The following SNX29 variants were observed in gnomAD, a reference collection of about 807,000 sequenced individuals.
The protein encoded by SNX29 is sorting nexin-29.
A neutral mutation model predicts 102.1 loss-of-function variants in SNX29; 78 were observed. The observed-to-expected ratio is 0.76, with a 90% CI of 0.64 to 0.92. SNX29 has a LOEUF of 0.92. Among genes scored for constraint, SNX29 ranks in the 40% least tolerant of loss-of-function variants. The pLI, the probability that SNX29 is intolerant of heterozygous loss-of-function variation, is 0.00. For synonymous variants in SNX29, 580 were observed against 414.5 expected (o/e 1.40, Z -4.85); for missense variants, 1,280 against 1,061.7 (o/e 1.21, Z -2.86).
chr16:12,279,609 C>G (rs2079367863), intron 15 of SNX29, among the ~76,000 whole-genome samples: 1 of 152,140 alleles, frequency 6.6e-6, no homozygotes, highest in Non-Finnish European at 1.5e-5. Flanking sequence ...CCGGAAGTCC[C>G]AAGTGGAGAG....
intron 18 of SNX29, among the ~76,000 whole-genome samples, chr16:12,466,718 T>G (rs756453870): frequency 2.1e-4 from 32 of 152,092 alleles, no homozygotes; most frequent in Admixed American, 8.5e-4. Context: ...TCCTCCTTAG[T>G]TTTCTGGCAG....
rs901397260 is a variant in SNX29 at position 12,571,881 on chromosome 16, C to G, written c.*3252C>G. 2.8e-6 allele frequency: 3 copies of G among 1,061,712 alleles called. No individual in the cohort carries two copies. The highest frequency in any genetic ancestry group is 5.1e-5 in the East Asian group (1 of 19,664). 65.8% of individuals were successfully genotyped at this position (1,061,712 alleles called of 1,614,324 possible). ...TGGCAAGGCATTTTAGAGTTTGGAG[C>G]TGAGGTTCAAAGCCCCCTGCATTTC... On this transcript the variant is annotated 3_prime_UTR_variant, in exon 21 of 21. Transcript: ENST00000566228.
chr16:12,453,101 C>T (rs1489756879), intron 18 of SNX29, among the ~76,000 whole-genome samples: 3 of 152,140 alleles, frequency 2.0e-5, no homozygotes, highest in Admixed American at 6.5e-5. Flanking sequence ...TTCTCCCAGG[C>T]GTATAGACAG....
At chr16:12,179,163 A>T (rs1378311046) in intron 13 of SNX29, among the ~76,000 whole-genome samples, 2 of 152,170 alleles carry the variant, frequency 1.3e-5, no homozygotes, top group Non-Finnish European at 2.9e-5. Flanking sequence ...CTACTACAAC[A>T]ATATAATTGC....
In SNX29 at chr16:11,976,787, C is replaced by G. The variant is rs899876662; in HGVS notation, c.-20C>G. ...CAGCGGCGGCGGCGCGGCGCAGGCACCGGCCCGGGGAGAGGCACCATGAGC... is the reference window on the plus strand; with the variant it reads ...CAGCGGCGGCGGCGCGGCGCAGGCAGCGGCCCGGGGAGAGGCACCATGAGC... On this transcript the variant is annotated 5_prime_UTR_variant, in exon 1 of 21. Coordinates refer to ENST00000566228, the MANE Select transcript of SNX29 (RefSeq NM_032167.5). The G allele has an allele frequency of 1.5e-6, 2 of 1,358,220 alleles. No homozygotes were observed. Among genetic ancestry groups the G allele is most frequent in the African/African-American group, 1.5e-5 (1 of 66,002 alleles). The allele number at this position is 1,358,220 out of a possible 1,614,324, so 84.1% of individuals were successfully genotyped here.
intron 1 of SNX29, among the ~76,000 whole-genome samples, chr16:11,995,227 G>A (rs1037313329): frequency 3.3e-5 from 5 of 152,104 alleles, no homozygotes; most frequent in African/African-American, 9.7e-5. Context: ...CACCACACCT[G>A]GCTAATTTTT....
At chr16:12,283,860 C>T (rs1006493742) in intron 15 of SNX29, among the ~76,000 whole-genome samples, 1 of 152,198 alleles carries the variant, frequency 6.6e-6, no homozygotes, top group Non-Finnish European at 1.5e-5. Flanking sequence ...CAGAGGTTGG[C>T]ACCTAACCAC....
rs144720457 is a variant in SNX29 at position 12,319,034 on chromosome 16, G to A, written c.1783-37129G>A. Among the ~76,000 whole-genome samples, 1,435 of 152,234 alleles carry A rather than the reference G, an allele frequency of 9.4e-3. 13 individuals carry two copies. Among genetic ancestry groups the A allele is most frequent in the South Asian group, 0.019 (91 of 4,818 alleles). ...CAGTAAACTTGTTTGTGGAGGCCTG[G>A]GGAGTTTCTTCACATCCCCAGTAAA... On this transcript the variant is annotated intron_variant, in intron 15 of 20. Transcript: ENST00000566228.
chr16:12,537,962 G>T (rs1204728025), intron 20 of SNX29, among the ~76,000 whole-genome samples: 1 of 143,384 alleles, frequency 7.0e-6, no homozygotes, highest in African/African-American at 2.7e-5. Flanking sequence ...TCCAGCCTGG[G>T]CAATAGAGCA....
In SNX29 at chr16:12,524,818, C is replaced by T; in HGVS notation, c.2295C>T (p.Leu765=). The change falls in exon 20 of 21, where the codon CTC becomes CTT. Residue 765 remains leucine (L), a synonymous_variant. Coordinates refer to ENST00000566228, the MANE Select transcript of SNX29 (RefSeq NM_032167.5). ...CTGCCAGCCCCAAGAAGGAGACCCTCATCCAGCTGATGCCCTTCTTCGTGT... is the reference window on the plus strand; with the variant it reads ...CTGCCAGCCCCAAGAAGGAGACCCTTATCCAGCTGATGCCCTTCTTCGTGT... ...EFAASPKKET[L]IQLMPFFVDI... The T allele has an allele frequency of 3.1e-6, 5 of 1,613,718 alleles. No individual in the cohort carries two copies. Among genetic ancestry groups the T allele is most frequent in the Non-Finnish European group, 4.2e-6 (5 of 1,179,756 alleles).
At chr16:12,106,770 C>T (rs1182665194) in intron 11 of SNX29, among the ~76,000 whole-genome samples, 1 of 151,544 alleles carries the variant, frequency 6.6e-6, no homozygotes, top group Non-Finnish European at 1.5e-5. Context: ...TGTGAGCCAC[C>T]ATGCCTCGCC....
At chr16:12,539,862 T>C (rs370435390) in intron 20 of SNX29, among the ~76,000 whole-genome samples, 17 of 152,236 alleles carry the variant, frequency 1.1e-4, no homozygotes, top group African/African-American at 3.1e-4. Flanking sequence ...TCCAAGTATT[T>C]TGCCTGTTCT....
At position 12,443,293 on chromosome 16, in the gene SNX29, C is replaced by T. The variant is rs533961476; in HGVS notation, c.2038-34426C>T. The T allele has an allele frequency of 5.9e-5, 12 of 204,364 alleles. No individual in the cohort carries two copies. In the East Asian group the frequency reaches 1.6e-3, roughly 27 times the overall value. The allele number at this position is 204,364 out of a possible 1,614,324, so 12.7% of individuals were successfully genotyped here. A position where few individuals can be genotyped will look rare whatever the true frequency, so the allele number is the denominator to read the frequency against. On this transcript the variant is annotated intron_variant, in intron 18 of 20. Transcript: ENST00000566228. ...GGCCCACGCTGTTCCTCCCTGACTA[C>T]TCTACCAACCCCTGGCCAAGGCAGC...
chr16:12,280,983 C>G (rs537310245), intron 15 of SNX29, among the ~76,000 whole-genome samples: 2 of 152,320 alleles, frequency 1.3e-5, no homozygotes, highest in South Asian at 4.1e-4. Context: ...CCTTGGCTCA[C>G]TGCAGCCTCA....
At chr16:12,555,298 A>C (rs896488871) in intron 20 of SNX29, among the ~76,000 whole-genome samples, 6 of 151,544 alleles carry the variant, frequency 4.0e-5, no homozygotes, top group African/African-American at 1.5e-4. Context: ...GGTGCTGTCC[A>C]GTCAATCCCT....
chr16:12,218,656 A>G (rs2077389264), intron 14 of SNX29, among the ~76,000 whole-genome samples: 1 of 152,222 alleles, frequency 6.6e-6, no homozygotes, highest in Non-Finnish European at 1.5e-5. Context: ...CCTGATCAAA[A>G]GATGTATAGC....
chr16:12,560,044 GAAAA>G (rs1449581456), intron 20 of SNX29, among the ~76,000 whole-genome samples: 2 of 151,870 alleles, frequency 1.3e-5, no homozygotes, highest in Non-Finnish European at 2.9e-5. Flanking sequence ...AATACACAAA[GAAAA>G]ATGACTAGAA....
intron 15 of SNX29, among the ~76,000 whole-genome samples, chr16:12,282,104 A>G (rs1486664043): frequency 6.6e-6 from 1 of 150,510 alleles, no homozygotes; most frequent in African/African-American, 2.5e-5. Flanking sequence ...AAAAAAAAAA[A>G]AAAATGCAGA....
At chr16:12,445,308 G>T (rs1474296683) in intron 18 of SNX29, among the ~76,000 whole-genome samples, 1 of 152,184 alleles carries the variant, frequency 6.6e-6, no homozygotes, top group African/African-American at 2.4e-5. Context: ...TTATCATCTG[G>T]CTGGCTGCAG....
Sources: allele counts gnomAD v4.1 joint callset (sites outside exome capture counted in the v4.1 genomes callset), GRCh38; gene constraint gnomAD v4.1.1; transcripts MANE v1.5; gene names NCBI Gene and HGNC (gene_info 2026-07-23, HGNC 2026-07-21).